Variants in CYP7B1 observed in about 807,000 individuals in gnomAD.
CYP7B1 encodes the protein cytochrome P450 family 7 subfamily B member 1.
In CYP7B1, 29 loss-of-function variants were observed where a neutral mutation model predicts 42.7. The ratio of observed to expected loss-of-function variants is 0.68; its 90% CI spans 0.51 to 0.93. The LOEUF is 0.93. Among genes scored for constraint, CYP7B1 ranks in the 40% least tolerant of loss-of-function variants. The pLI is 0.00. For synonymous variants in CYP7B1, 235 were observed against 218.2 expected (o/e 1.08, Z -0.68); for missense variants, 655 against 600.5 (o/e 1.09, Z -0.95).
chr8:64,659,723 A>G (rs1441085539), intron 1 of CYP7B1, among the ~76,000 whole-genome samples: 1 of 152,206 alleles, frequency 6.6e-6, no homozygotes, highest in African/African-American at 2.4e-5. Flanking sequence ...AAATAGGAGA[A>G]TATAGGAGCT....
At chr8:64,619,891 T>TA (rs1805501599) in intron 2 of CYP7B1, among the ~76,000 whole-genome samples, 1 of 152,132 alleles carries the variant, frequency 6.6e-6, no homozygotes, top group African/African-American at 2.4e-5. Flanking sequence ...TATATATACA[T>TA]ATATCCATGA....
chr8:64,597,896 A>G (rs1316259518), intron 5 of CYP7B1, among the ~76,000 whole-genome samples: 77 of 152,358 alleles, frequency 5.1e-4, no homozygotes, highest in Non-Finnish European at 7.3e-5. Flanking sequence ...TATGACCTAC[A>G]TGAAGACGAA....
intron 1 of CYP7B1, among the ~76,000 whole-genome samples, chr8:64,749,090 C>CT (rs1042608977): frequency 9.6e-5 from 14 of 145,472 alleles, no homozygotes; most frequent in Admixed American, 3.4e-4. Context: ...TCTTTTTTCT[C>CT]TTTTTTTTGA....
intron 2 of CYP7B1, among the ~76,000 whole-genome samples, chr8:64,623,166 C>G (rs1239798125): frequency 1.3e-5 from 2 of 152,138 alleles, no homozygotes; most frequent in Non-Finnish European, 1.5e-5. Context: ...TACATGTGCC[C>G]CCATGCAATG....
At chr8:64,736,158 T>A (rs1026037609) in intron 1 of CYP7B1, among the ~76,000 whole-genome samples, 1 of 152,170 alleles carries the variant, frequency 6.6e-6, no homozygotes, top group African/African-American at 2.4e-5. Context: ...ACACCTTGAA[T>A]GTGTCACTAA....
At chr8:64,749,527 G>A (rs1807697262) in intron 1 of CYP7B1, among the ~76,000 whole-genome samples, 1 of 152,144 alleles carries the variant, frequency 6.6e-6, no homozygotes, top group African/African-American at 2.4e-5. Context: ...AGAAATAGTG[G>A]ATTTTAGAGC....
chr8:64,719,403 A>G (rs1308148332), intron 1 of CYP7B1, among the ~76,000 whole-genome samples: 1 of 152,224 alleles, frequency 6.6e-6, no homozygotes, highest in Non-Finnish European at 1.5e-5. Flanking sequence ...AGATATTAAC[A>G]ATGTTGACTT....
At chr8:64,760,798 T>C (rs973876140) in intron 1 of CYP7B1, among the ~76,000 whole-genome samples, 2 of 152,024 alleles carry the variant, frequency 1.3e-5, no homozygotes, top group African/African-American at 4.8e-5. Context: ...TGGAGGTTCC[T>C]AAAAAAATTA....
rs776803010 is a variant in CYP7B1, at chr8:64,615,675, A to G, written c.850+16T>C. The G allele has an allele frequency of 6.2e-7, 1 of 1,608,392 alleles. No individual in the cohort carries two copies. The highest frequency in any genetic ancestry group is 8.5e-7 in the Non-Finnish European group (1 of 1,174,978). On this transcript the variant is annotated intron_variant, in intron 3 of 5. Coordinates refer to ENST00000310193, the MANE Select transcript of CYP7B1 (RefSeq NM_004820.5). ...ATGATTTTATTTTAGGCAAGTGCTCATTCAGAAGTTCTTACCTCCTATTTC... is the reference window on the plus strand; with the variant it reads ...ATGATTTTATTTTAGGCAAGTGCTCGTTCAGAAGTTCTTACCTCCTATTTC...
chr8:64,657,326 T>G (rs1806135282), intron 1 of CYP7B1, among the ~76,000 whole-genome samples: 1 of 152,126 alleles, frequency 6.6e-6, no homozygotes, highest in Admixed American at 6.6e-5. Context: ...GCAATGAGGA[T>G]CCATTTTTCC....
At chr8:64,792,427 A>T (rs936001882) in intron 1 of CYP7B1, among the ~76,000 whole-genome samples, 2 of 152,218 alleles carry the variant, frequency 1.3e-5, no homozygotes, top group Admixed American at 1.3e-4. Context: ...CTCTGCATAG[A>T]CAGCTAAGGG....
chr8:64,744,566 A>AT, intron 1 of CYP7B1, among the ~76,000 whole-genome samples: 1 of 152,202 alleles, frequency 6.6e-6, no homozygotes, highest in South Asian at 2.1e-4. Context: ...CTAAGATAGG[A>AT]TTTTTTTCTT....
chr8:64,650,079 T>C (rs540685418), intron 1 of CYP7B1, among the ~76,000 whole-genome samples: 2 of 152,332 alleles, frequency 1.3e-5, no homozygotes, highest in East Asian at 1.9e-4. Flanking sequence ...GTCTGTTTTT[T>C]TATTTTGTTG....
chr8:64,678,709 C>T (rs546076603), intron 1 of CYP7B1, among the ~76,000 whole-genome samples: 4 of 152,120 alleles, frequency 2.6e-5, no homozygotes, highest in Admixed American at 6.6e-5. Context: ...AAGAGGAAAA[C>T]GCTGCTTTGA....
intron 1 of CYP7B1, among the ~76,000 whole-genome samples, chr8:64,651,932 C>A (rs928528033): frequency 4.1e-4 from 63 of 152,148 alleles, no homozygotes; most frequent in African/African-American, 1.5e-3. Context: ...ATACTGTTTA[C>A]GTTGCTGGGT....
At chr8:64,611,718 G>A (rs143254716) in intron 4 of CYP7B1, among the ~76,000 whole-genome samples, 12 of 152,166 alleles carry the variant, frequency 7.9e-5, no homozygotes, top group Non-Finnish European at 1.0e-4. Context: ...TTGAGGATAC[G>A]TCACTCAACA....
chr8:64,766,220 C>A (rs918807698), intron 1 of CYP7B1, among the ~76,000 whole-genome samples: 4 of 152,188 alleles, frequency 2.6e-5, no homozygotes, highest in African/African-American at 9.6e-5. Flanking sequence ...TAGGAAGAAG[C>A]CTATAAATTA....
chr8:64,630,222 C>A (rs1805669852), intron 1 of CYP7B1, among the ~76,000 whole-genome samples: 1 of 152,104 alleles, frequency 6.6e-6, no homozygotes, highest in Admixed American at 6.5e-5. Flanking sequence ...CTAGAAGTGG[C>A]CAGACTATTG....
chr8:64,636,830 T>C (rs1041863062), intron 1 of CYP7B1, among the ~76,000 whole-genome samples: 1 of 152,170 alleles, frequency 6.6e-6, no homozygotes, highest in Non-Finnish European at 1.5e-5. Context: ...AAGGGGGAAG[T>C]CGATTCATAA....
Sources: gnomAD v4.1 joint callset for allele counts (sites outside exome capture counted in the v4.1 genomes callset) on GRCh38, gnomAD v4.1.1 for gene constraint, MANE v1.5 for transcripts, NCBI Gene and HGNC (gene_info 2026-07-23, HGNC 2026-07-21) for gene names.